Variants in CEP112 observed in about 807,000 individuals in gnomAD.
CEP112 encodes the protein centrosomal protein of 112 kDa.
In CEP112, 127 loss-of-function variants were observed where a neutral mutation model predicts 153.0. The ratio of observed to expected loss-of-function variants is 0.83; its 90% CI spans 0.72 to 0.96. The LOEUF is 0.96. CEP112 is among the 40% of genes least tolerant of loss of function. The probability of loss-of-function intolerance (pLI) is 0.00; values close to 1 mark genes in which losing one functional copy is unlikely to be tolerated. For missense variants in CEP112, 1,089 were observed against 1,101.2 expected, an observed-to-expected ratio of 0.99 and a Z score of 0.16; for synonymous variants, 358 against 374.4, an observed-to-expected ratio of 0.96 and a Z score of 0.51.
chr17:65,886,240 GATA>G (rs2059272449), intron 20 of CEP112, among the ~76,000 whole-genome samples: 1 of 152,134 alleles, frequency 6.6e-6, no homozygotes, highest in Non-Finnish European at 1.5e-5. Context: ...ATGGAAATGG[GATA>G]ATATTTTTTA....
chr17:65,689,994 G>C (rs773277500), intron 23 of CEP112, among the ~76,000 whole-genome samples: 15 of 151,444 alleles, frequency 9.9e-5, no homozygotes, highest in Non-Finnish European at 2.2e-4. Context: ...GCATGGGGTG[G>C]TAACAGCAAA....
chr17:65,705,864 A>G (rs2048887997), intron 23 of CEP112, among the ~76,000 whole-genome samples: 1 of 152,162 alleles, frequency 6.6e-6, no homozygotes, highest in Non-Finnish European at 1.5e-5. Flanking sequence ...ATACTAAAAG[A>G]TAATTGTTCA....
intron 12 of CEP112, among the ~76,000 whole-genome samples, chr17:66,033,095 T>A (rs2065562477): frequency 1.3e-5 from 2 of 152,034 alleles, no homozygotes; most frequent in Non-Finnish European, 2.9e-5. Context: ...AATCTATGGA[T>A]GAGATTGATT....
chr17:65,742,279 C>T (rs892639057), intron 23 of CEP112, among the ~76,000 whole-genome samples: 72 of 152,280 alleles, frequency 4.7e-4, no homozygotes, highest in African/African-American at 1.6e-3. Context: ...GATTACTCCA[C>T]ACGCTTTAAG....
chr17:66,163,082 A>G (rs963895314), intron 4 of CEP112, among the ~76,000 whole-genome samples: 1 of 152,192 alleles, frequency 6.6e-6, no homozygotes, highest in African/African-American at 2.4e-5. Flanking sequence ...AATACAGGAC[A>G]GTAATTTCCT....
intron 23 of CEP112, among the ~76,000 whole-genome samples, chr17:65,739,240 T>C (rs1436370723): frequency 6.6e-6 from 1 of 152,204 alleles, no homozygotes; most frequent in Non-Finnish European, 1.5e-5. Context: ...ACCACCCAGC[T>C]GATCCCTGCC....
intron 5 of CEP112, among the ~76,000 whole-genome samples, chr17:66,130,212 C>G (rs967172336): frequency 2.0e-5 from 3 of 150,830 alleles, no homozygotes; most frequent in African/African-American, 7.3e-5. Flanking sequence ...TATATTCACA[C>G]AGCAACTAAA....
At position 65,750,706 on chromosome 17, in the gene CEP112, G is replaced by A; in HGVS notation, c.2413C>T (p.Gln805Ter). ...TLEKANSKLK[Q>*]IEKEYTQKLA... ...TTCTGAGTGTATTCCTTCTCAATCT[G>A]CTTCAGCTTGCTGTTGGCCTGAAAA... Residue 805 changes from glutamine (Q) to a stop codon, truncating the protein, a stop_gained, in exon 22 of 27, where the codon CAG becomes TAG. Coordinates refer to ENST00000535342, the MANE Select transcript of CEP112 (RefSeq NM_001199165.4). LOFTEE classifies it high-confidence loss of function. 6.2e-7 allele frequency: 1 copy of A among 1,613,928 alleles called. No homozygotes were observed. The highest frequency in any genetic ancestry group is 8.5e-7 in the Non-Finnish European group (1 of 1,179,936).
At chr17:65,866,420 C>A (rs1472922010) in intron 20 of CEP112, among the ~76,000 whole-genome samples, 5 of 152,242 alleles carry the variant, frequency 3.3e-5, no homozygotes, top group African/African-American at 4.8e-5. Context: ...ACAGCCTGGG[C>A]AACATGAATG....
intron 23 of CEP112, among the ~76,000 whole-genome samples, chr17:65,741,139 A>T (rs1045277063): frequency 1.2e-4 from 19 of 152,322 alleles, no homozygotes; most frequent in South Asian, 8.3e-4. Flanking sequence ...GGGATGACAG[A>T]AATACCTTCC....
intron 23 of CEP112, among the ~76,000 whole-genome samples, chr17:65,719,369 G>A (rs2049738184): frequency 6.6e-6 from 1 of 152,202 alleles, no homozygotes; most frequent in Admixed American, 6.5e-5. Flanking sequence ...GAGGTCAGGA[G>A]TTCCAGACCT....
At chr17:65,723,606 G>A (rs2050015698) in intron 23 of CEP112, among the ~76,000 whole-genome samples, 1 of 152,084 alleles carries the variant, frequency 6.6e-6, no homozygotes, top group Admixed American at 6.5e-5. Context: ...TAAAAGATGG[G>A]AAAAAAGTAA....
intron 21 of CEP112, among the ~76,000 whole-genome samples, chr17:65,790,667 T>G (rs2054540663): frequency 6.6e-6 from 1 of 152,214 alleles, no homozygotes; most frequent in Non-Finnish European, 1.5e-5. Flanking sequence ...CAGGCCATTT[T>G]CTGAAAGCTC....
chr17:65,950,998 G>A (rs140856471), intron 18 of CEP112, among the ~76,000 whole-genome samples: 8 of 152,064 alleles, frequency 5.3e-5, no homozygotes, highest in Admixed American at 4.6e-4. Context: ...AGACAATCAC[G>A]TGATTTTTTC....
At chr17:66,131,104 T>C (rs1039351206) in intron 5 of CEP112, among the ~76,000 whole-genome samples, 1 of 152,202 alleles carries the variant, frequency 6.6e-6, no homozygotes, top group African/African-American at 2.4e-5. Flanking sequence ...TTTATATCTA[T>C]GGTCATTTAA....
intron 19 of CEP112, among the ~76,000 whole-genome samples, chr17:65,902,560 T>C (rs1372920036): frequency 6.6e-6 from 1 of 152,012 alleles, no homozygotes; most frequent in East Asian, 1.9e-4. Flanking sequence ...TTCAATCTGT[T>C]GACACAAATG....
intron 20 of CEP112, among the ~76,000 whole-genome samples, chr17:65,883,263 C>CATATATATATATATATATAT (rs34264279): frequency 1.4e-5 from 2 of 146,822 alleles, no homozygotes; most frequent in African/African-American, 5.0e-5. Context: ...AAGAAGTTTA[C>CATATATATATATATATATAT]ATATATATAT....
intron 8 of CEP112, 106 bp from the exon 9 acceptor site, chr17:66,070,107 C>T (rs146018249): frequency 9.7e-4 from 621 of 640,926 alleles, no homozygotes; most frequent in Non-Finnish European, 1.3e-3. Context: ...TTATCATTTT[C>T]CACCTTTACC....
chr17:65,951,264 T>G (rs2061819728), intron 18 of CEP112, among the ~76,000 whole-genome samples: 1 of 152,178 alleles, frequency 6.6e-6, no homozygotes, highest in East Asian at 1.9e-4. Context: ...CTGAGAAGTA[T>G]TCCTTCTTCC....
Sources: gnomAD v4.1 joint callset for allele counts (sites outside exome capture counted in the v4.1 genomes callset) on GRCh38, gnomAD v4.1.1 for gene constraint, MANE v1.5 for transcripts, NCBI Gene and HGNC (gene_info 2026-07-23, HGNC 2026-07-21) for gene names.